The following TMEM135 variants were observed in gnomAD, a reference collection of about 807,000 sequenced individuals.
TMEM135 encodes the protein peroxisomal membrane protein 52.
A neutral mutation model predicts 60.3 loss-of-function variants in TMEM135; 30 were observed. That is an observed-to-expected ratio of 0.50 (90% CI 0.37 to 0.68). TMEM135 has a LOEUF of 0.68. Ranked by LOEUF, TMEM135 falls within the 30% of genes least tolerant of loss-of-function variation. The pLI, the probability that TMEM135 is intolerant of heterozygous loss-of-function variation, is 0.00. For synonymous variants in TMEM135, 190 were observed against 186.7 expected (o/e 1.02, Z -0.14); for missense variants, 468 against 548.8 (o/e 0.85, Z 1.47).
At chr11:87,229,470 G>A (rs1265675202) in intron 5 of TMEM135, among the ~76,000 whole-genome samples, 1 of 152,052 alleles carries the variant, frequency 6.6e-6, no homozygotes, top group East Asian at 1.9e-4. Flanking sequence ...AGTTTTTATG[G>A]GTATAGGAAA....
At position 87,084,738 on chromosome 11, in the gene TMEM135, G is replaced by T. The variant is rs191367172; in HGVS notation, c.363-6624G>T. 2.5e-3 allele frequency among the ~76,000 whole-genome samples: 388 copies of T among 152,330 alleles called. 4 individuals are homozygous for T. Among genetic ancestry groups the T allele is most frequent in the African/African-American group, 8.8e-3 (365 of 41,576 alleles). On this transcript the variant is annotated intron_variant, in intron 3 of 14. Coordinates refer to ENST00000305494, the MANE Select transcript of TMEM135 (RefSeq NM_022918.4). The stretch of plus-strand genomic sequence containing the variant: ...GGGAACAATGAGAAAAGCTTATGTG[G>T]TATAAAGGAATATTGGACTGCTTAT...
At chr11:87,283,591 G>T (rs1591167183) in intron 6 of TMEM135, among the ~76,000 whole-genome samples, 1 of 129,604 alleles carries the variant, frequency 7.7e-6, no homozygotes, top group South Asian at 2.3e-4. Flanking sequence ...GGGTGCGGTG[G>T]CTCACGCCTT....
chr11:87,305,154 G>A (rs1188209089), intron 8 of TMEM135, among the ~76,000 whole-genome samples: 1 of 152,000 alleles, frequency 6.6e-6, no homozygotes, highest in Non-Finnish European at 1.5e-5. Context: ...ATCTAATTAA[G>A]TATAAATTCC....
intron 6 of TMEM135, among the ~76,000 whole-genome samples, chr11:87,248,812 T>C (rs1358848016): frequency 6.6e-6 from 1 of 152,184 alleles, no homozygotes; most frequent in Non-Finnish European, 1.5e-5. Flanking sequence ...ATAGTTTTCA[T>C]TGTAGAGATC....
intron 4 of TMEM135, among the ~76,000 whole-genome samples, chr11:87,094,158 G>T (rs112814200): frequency 6.6e-6 from 1 of 151,996 alleles, no homozygotes; most frequent in African/African-American, 2.4e-5. Flanking sequence ...TTTTTAATTG[G>T]TCGTGAAACT....
intron 5 of TMEM135, among the ~76,000 whole-genome samples, chr11:87,197,965 A>G (rs1355993928): frequency 6.6e-6 from 1 of 151,952 alleles, no homozygotes; most frequent in Non-Finnish European, 1.5e-5. Context: ...TTTTAGGTAC[A>G]TAATAGTTGT....
chr11:87,167,748 G>T (rs1161475956), intron 5 of TMEM135, among the ~76,000 whole-genome samples: 1 of 152,138 alleles, frequency 6.6e-6, no homozygotes, highest in African/African-American at 2.4e-5. Context: ...ATGTTCATCA[G>T]GGATATTGGC....
At chr11:87,123,322 G>A (rs966776820) in intron 4 of TMEM135, among the ~76,000 whole-genome samples, 3 of 152,164 alleles carry the variant, frequency 2.0e-5, no homozygotes, top group Non-Finnish European at 4.4e-5. Flanking sequence ...GCTTCTGGTA[G>A]ATCCTGGGAA....
chr11:87,111,749 G>A (rs1051381422), intron 4 of TMEM135, among the ~76,000 whole-genome samples: 3 of 151,610 alleles, frequency 2.0e-5, no homozygotes, highest in Non-Finnish European at 2.9e-5. Context: ...TATAGCTTGT[G>A]TTTGTTTATT....
At chr11:87,077,323 C>T (rs1409564231) in intron 3 of TMEM135, among the ~76,000 whole-genome samples, 1 of 152,174 alleles carries the variant, frequency 6.6e-6, no homozygotes, top group African/African-American at 2.4e-5. Flanking sequence ...TATTACTAAG[C>T]TTATTCCTTT....
At chr11:87,204,603 T>C (rs1042729303) in intron 5 of TMEM135, among the ~76,000 whole-genome samples, 2 of 152,180 alleles carry the variant, frequency 1.3e-5, no homozygotes, top group African/African-American at 4.8e-5. Flanking sequence ...TATAATAAAG[T>C]AAGCTAGAGA....
At chr11:87,147,687 G>T (rs1938452719) in intron 4 of TMEM135, among the ~76,000 whole-genome samples, 1 of 152,146 alleles carries the variant, frequency 6.6e-6, no homozygotes, top group Non-Finnish European at 1.5e-5. Flanking sequence ...CCAGAAGTTT[G>T]CATTTATTAC....
chr11:87,252,744 C>G (rs1042239215), intron 6 of TMEM135, among the ~76,000 whole-genome samples: 2 of 146,430 alleles, frequency 1.4e-5, no homozygotes, highest in Non-Finnish European at 3.0e-5. Flanking sequence ...GCACTCCAGC[C>G]TGGGCAACAA....
At chr11:87,223,737 C>A (rs73527465) in intron 5 of TMEM135, among the ~76,000 whole-genome samples, 3,199 of 151,554 alleles carry the variant, frequency 0.021, 131 homozygotes, top group African/African-American at 0.074. Context: ...GTGATTCCAG[C>A]CACTCTGGAG....
chr11:87,161,630 A>G (rs769792898), intron 5 of TMEM135, among the ~76,000 whole-genome samples: 4 of 152,148 alleles, frequency 2.6e-5, no homozygotes, highest in Admixed American at 6.5e-5. Context: ...CTGATACCAT[A>G]TATCTTTCTT....
At chr11:87,201,866 T>C (rs1393032342) in intron 5 of TMEM135, among the ~76,000 whole-genome samples, 2 of 152,290 alleles carry the variant, frequency 1.3e-5, no homozygotes, top group South Asian at 2.1e-4. Flanking sequence ...TTCATAGATA[T>C]CATTTTATAA....
At chr11:87,183,927 A>T (rs1939586586) in intron 5 of TMEM135, among the ~76,000 whole-genome samples, 1 of 141,580 alleles carries the variant, frequency 7.1e-6, no homozygotes, top group Admixed American at 7.9e-5. Flanking sequence ...TCACACTCCA[A>T]CTTGGGCAAC....
chr11:87,274,669 A>G (rs1239897889), intron 6 of TMEM135, among the ~76,000 whole-genome samples: 2 of 151,966 alleles, frequency 1.3e-5, no homozygotes, highest in African/African-American at 4.8e-5. Context: ...AACAAGATAA[A>G]TATCATTTGA....
intron 6 of TMEM135, among the ~76,000 whole-genome samples, chr11:87,264,574 T>G (rs553180664): frequency 1.3e-5 from 2 of 152,044 alleles, no homozygotes; most frequent in South Asian, 2.1e-4. Context: ...AATTGATCAC[T>G]TTTTCTTATG....
Sources: allele counts gnomAD v4.1 joint callset (sites outside exome capture counted in the v4.1 genomes callset), GRCh38; gene constraint gnomAD v4.1.1; transcripts MANE v1.5; gene names NCBI Gene and HGNC (gene_info 2026-07-23, HGNC 2026-07-21).